BABAM2: variants seen among roughly 807,000 people sequenced by gnomAD.
BABAM2 encodes the protein BRISC and BRCA1-A complex member 2.
A neutral mutation model predicts 54.7 loss-of-function variants in BABAM2; 31 were observed. The ratio of observed to expected loss-of-function variants is 0.57; its 90% CI spans 0.43 to 0.77. The LOEUF is 0.77. Ranked by LOEUF, BABAM2 falls within the 30% of genes least tolerant of loss-of-function variation. The probability of loss-of-function intolerance (pLI) is 0.00; values close to 1 mark genes in which losing one functional copy is unlikely to be tolerated. For synonymous variants in BABAM2, 167 were observed against 162.9 expected (o/e 1.03, Z -0.19); for missense variants, 364 against 455.8 (o/e 0.80, Z 1.83).
intron 10 of BABAM2, among the ~76,000 whole-genome samples, chr2:28,265,023 G>A (rs939338465): frequency 3.9e-5 from 6 of 152,172 alleles, no homozygotes; most frequent in Admixed American, 2.6e-4. Context: ...ATCCACATTT[G>A]ACCCAAGGGT....
intron 7 of BABAM2, among the ~76,000 whole-genome samples, chr2:28,147,502 C>G (rs866086483): frequency 2.0e-5 from 3 of 147,746 alleles, no homozygotes; most frequent in African/African-American, 7.5e-5. Flanking sequence ...GAGACGGAGT[C>G]TCACTCTGTC....
At chr2:28,062,776 G>A (rs1021420919) in intron 6 of BABAM2, among the ~76,000 whole-genome samples, 1 of 152,072 alleles carries the variant, frequency 6.6e-6, no homozygotes, top group African/African-American at 2.4e-5. Flanking sequence ...ATTGGTTCAG[G>A]TACATTTGAT....
chr2:28,025,413 A>C lies in BABAM2; in HGVS notation c.488A>C (p.Asn163Thr). ...ATGGAAATTTATGCTGGGAAAAAAAACAACTGGGTAAGGATTTTTGAGAAT... is the reference window on the plus strand; with the variant it reads ...ATGGAAATTTATGCTGGGAAAAAAACCAACTGGGTAAGGATTTTTGAGAAT... ...ENMEIYAGKK[N>T]NWTGEFSARF... The change falls in exon 5 of 12, where the codon AAC (asparagine) becomes ACC (threonine). Residue 163 changes from asparagine to threonine, a missense_variant. Coordinates refer to ENST00000379624, the MANE Select transcript of BABAM2 (RefSeq NM_199191.3). 6.4e-7 allele frequency: 1 copy of C among 1,570,756 alleles called. No homozygotes were observed. The highest frequency in any genetic ancestry group is 1.2e-5 in the South Asian group (1 of 83,508).
In BABAM2 at chr2:28,174,597, C is replaced by T. The variant is rs11892752; in HGVS notation, c.680+45217C>T. Among the ~76,000 whole-genome samples, 471 of 152,206 alleles carry T rather than the reference C, an allele frequency of 3.1e-3. 4 individuals are homozygous for T. Among genetic ancestry groups the T allele is most frequent in the African/African-American group, 0.01 (421 of 41,526 alleles). On this transcript the variant is annotated intron_variant, in intron 7 of 11. Transcript: ENST00000379624. ...CAGTGTGGGGAAAGGGGGAGAGATC[C>T]CCAGGGGTCCACATTTCCACCACAG...
chr2:28,062,710 A>G (rs1010649069), intron 6 of BABAM2, among the ~76,000 whole-genome samples: 10 of 152,196 alleles, frequency 6.6e-5, no homozygotes, highest in African/African-American at 2.4e-4. Flanking sequence ...ATCTTCACCA[A>G]TTGCTCTTTG....
chr2:27,950,713 A>G (rs1387436908), intron 3 of BABAM2, among the ~76,000 whole-genome samples: 1 of 152,108 alleles, frequency 6.6e-6, no homozygotes, highest in Non-Finnish European at 1.5e-5. Flanking sequence ...AGGTTTGTGA[A>G]GAATTCATAT....
intron 7 of BABAM2, among the ~76,000 whole-genome samples, chr2:28,211,135 A>G (rs925260120): frequency 2.6e-5 from 4 of 152,192 alleles, no homozygotes; most frequent in Admixed American, 6.5e-5. Context: ...ACAGAATTTC[A>G]TCTGTCATCC....
chr2:28,123,242 A>G (rs1669226504), intron 6 of BABAM2, among the ~76,000 whole-genome samples: 1 of 152,172 alleles, frequency 6.6e-6, no homozygotes, highest in Non-Finnish European at 1.5e-5. Context: ...TATTCATTAT[A>G]CACTATAGGA....
At chr2:28,336,161 G>C (rs966426063) in intron 11 of BABAM2, among the ~76,000 whole-genome samples, 7 of 152,192 alleles carry the variant, frequency 4.6e-5, no homozygotes, top group African/African-American at 1.4e-4. Flanking sequence ...ATGTCCAGGG[G>C]AGAAGCAGCT....
chr2:28,013,184 G>A (rs544604022), intron 4 of BABAM2, among the ~76,000 whole-genome samples: 3 of 152,234 alleles, frequency 2.0e-5, no homozygotes, highest in South Asian at 2.1e-4. Flanking sequence ...CATGTTTTAG[G>A]TTTAAAGCTT....
At chr2:28,319,772 C>T (rs1242954487) in intron 11 of BABAM2, among the ~76,000 whole-genome samples, 1 of 152,254 alleles carries the variant, frequency 6.6e-6, no homozygotes, top group Non-Finnish European at 1.5e-5. Context: ...CTTGGCTCCT[C>T]CTGCCAGCTT....
At chr2:27,964,598 G>C (rs76213812) in intron 3 of BABAM2, among the ~76,000 whole-genome samples, 1 of 152,154 alleles carries the variant, frequency 6.6e-6, no homozygotes, top group Non-Finnish European at 1.5e-5. Context: ...CATGAGTGTT[G>C]TATTGACTTT....
At chr2:28,312,836 T>C (rs1422482042) in intron 11 of BABAM2, among the ~76,000 whole-genome samples, 3 of 152,168 alleles carry the variant, frequency 2.0e-5, no homozygotes, top group African/African-American at 7.2e-5. Flanking sequence ...ATAATCGATA[T>C]AGACCTTTAA....
At chr2:27,917,932 C>T (rs1041070221) in intron 2 of BABAM2, among the ~76,000 whole-genome samples, 23 of 152,124 alleles carry the variant, frequency 1.5e-4, no homozygotes, top group Admixed American at 9.8e-4. Context: ...ATGCTTTTGT[C>T]GTAAATTAAG....
chr2:28,213,139 A>C (rs1314039506), intron 7 of BABAM2, among the ~76,000 whole-genome samples: 1 of 152,066 alleles, frequency 6.6e-6, no homozygotes, highest in Non-Finnish European at 1.5e-5. Flanking sequence ...AGGTATGAGG[A>C]TCACTTGAGC....
chr2:27,992,767 C>A (rs1672869898), intron 4 of BABAM2, among the ~76,000 whole-genome samples: 1 of 152,136 alleles, frequency 6.6e-6, no homozygotes, highest in African/African-American at 2.4e-5. Flanking sequence ...CTCTTTTGCT[C>A]CTTGCTCAGC....
At chr2:28,332,496 A>C (rs1691047853) in intron 11 of BABAM2, among the ~76,000 whole-genome samples, 1 of 152,184 alleles carries the variant, frequency 6.6e-6, no homozygotes, top group Admixed American at 6.5e-5. Context: ...TGACACAATG[A>C]GCCAGGGCCC....
rs190042524 is a variant in BABAM2, at chr2:28,300,314, T to A, written c.1088+1823T>A. Reference sequence around the variant, plus strand: ...TCAGATTTATATGCAGAATCCAGAGTTGTTATCTGAAACTTTAATGTGCCT... The same window carrying A: ...TCAGATTTATATGCAGAATCCAGAGATGTTATCTGAAACTTTAATGTGCCT... On this transcript the variant is annotated intron_variant, in intron 11 of 11. Transcript: ENST00000379624. Among the ~76,000 whole-genome samples, 63 of 152,260 alleles carry A rather than the reference T, an allele frequency of 4.1e-4. 1 individual carries two copies. The highest frequency in any genetic ancestry group is 1.5e-3 in the African/African-American group (62 of 41,534).
At chr2:28,209,879 C>G (rs67649263) in intron 7 of BABAM2, among the ~76,000 whole-genome samples, 14,914 of 152,050 alleles carry the variant, frequency 0.098, 819 homozygotes, top group Middle Eastern at 0.17. Flanking sequence ...TAATCTTAAA[C>G]TCTAAGGTTA....
Sources: allele counts gnomAD v4.1 joint callset (sites outside exome capture counted in the v4.1 genomes callset), GRCh38; gene constraint gnomAD v4.1.1; transcripts MANE v1.5; gene names NCBI Gene and HGNC (gene_info 2026-07-23, HGNC 2026-07-21).